The following CDYL2 variants were observed in gnomAD, a reference collection of about 807,000 sequenced individuals.
CDYL2 encodes the protein chromodomain Y-like protein 2.
CDYL2 carries 23 observed loss-of-function variants against 49.4 expected under a neutral mutation model. The observed-to-expected ratio is 0.47, with a 90% CI of 0.34 to 0.66. The LOEUF (loss-of-function observed/expected upper bound fraction) is 0.66. Ranked by LOEUF, CDYL2 falls within the 30% of genes least tolerant of loss-of-function variation. CDYL2 has a pLI of 0.01. For synonymous variants in CDYL2, 360 were observed against 268.8 expected, an observed-to-expected ratio of 1.34 and a Z score of -3.32; for missense variants, 678 against 656.4, an observed-to-expected ratio of 1.03 and a Z score of -0.36.
rs529866435 is a variant in CDYL2 at position 80,695,186 on chromosome 16, T to A, written c.25-10057A>T. Among the ~76,000 whole-genome samples, 42 of 152,384 alleles carry A rather than the reference T, an allele frequency of 2.8e-4. No individual in the cohort carries two copies. In the South Asian group the frequency reaches 8.7e-3, roughly 32 times the overall value. On this transcript the variant is annotated intron_variant, in intron 1 of 6. Coordinates refer to ENST00000570137, the MANE Select transcript of CDYL2 (RefSeq NM_152342.4). ...CCCATGTCCATGCATCTATGTAATA[T>A]CTGTGGCTGCTTTCACAATACAACA... is the stretch of plus-strand genomic sequence containing the variant.
intron 1 of CDYL2, among the ~76,000 whole-genome samples, chr16:80,752,669 C>G (rs915376413): frequency 6.6e-6 from 1 of 152,148 alleles, no homozygotes; most frequent in African/African-American, 2.4e-5. Flanking sequence ...AATGAACACA[C>G]AACAAGGGAG....
At chr16:80,687,944 C>G (rs1226651206) in intron 1 of CDYL2, among the ~76,000 whole-genome samples, 11 of 152,184 alleles carry the variant, frequency 7.2e-5, no homozygotes, top group Admixed American at 7.2e-4. Flanking sequence ...CTCCACCTTT[C>G]AGAATATGAC....
At position 80,603,597 on chromosome 16, in the gene CDYL2, T is replaced by A. The variant is rs747152963; in HGVS notation, c.*791A>T. On this transcript the variant is annotated 3_prime_UTR_variant, in exon 7 of 7. Coordinates refer to ENST00000570137, the MANE Select transcript of CDYL2 (RefSeq NM_152342.4). ...CAAACGGCATGAACCTTGTGTGGGA[T>A]TTGGTCCAGGGTAGTATGAAAATAG... 7.2e-5 allele frequency: 11 copies of A among 152,570 alleles called. No individual in the cohort carries two copies. Among genetic ancestry groups the A allele is most frequent in the Non-Finnish European group, 1.2e-4 (8 of 68,032 alleles). The allele number at this position is 152,570 out of a possible 1,614,324, so 9.5% of individuals were successfully genotyped here.
At chr16:80,712,292 T>C in intron 1 of CDYL2, among the ~76,000 whole-genome samples, 1 of 149,218 alleles carries the variant, frequency 6.7e-6, no homozygotes, top group Non-Finnish European at 1.5e-5. Flanking sequence ...GTCCAGAGAG[T>C]CCCTGAAACG....
intron 1 of CDYL2, among the ~76,000 whole-genome samples, chr16:80,803,532 G>A (rs1310362654): frequency 2.0e-5 from 3 of 151,906 alleles, no homozygotes; most frequent in African/African-American, 4.8e-5. Context: ...CAGGTGGGGG[G>A]TGAGGGAGGT....
intron 3 of CDYL2, among the ~76,000 whole-genome samples, chr16:80,627,250 T>C (rs1001057088): frequency 2.0e-5 from 3 of 151,956 alleles, no homozygotes; most frequent in African/African-American, 4.8e-5. Context: ...GAAATAGATA[T>C]ACTCTCACCT....
At chr16:80,629,017 G>A (rs901668012) in intron 3 of CDYL2, among the ~76,000 whole-genome samples, 1 of 152,176 alleles carries the variant, frequency 6.6e-6, no homozygotes, top group African/African-American at 2.4e-5. Context: ...AGGCCCCGGG[G>A]CAGGTGTAAG....
chr16:80,626,415 T>C (rs1033381393), intron 3 of CDYL2, among the ~76,000 whole-genome samples: 2 of 151,256 alleles, frequency 1.3e-5, no homozygotes, highest in Non-Finnish European at 2.9e-5. Context: ...TAGCAGGCAA[T>C]AATATTGTAG....
At chr16:80,655,157 A>G (rs968990329) in intron 2 of CDYL2, among the ~76,000 whole-genome samples, 5 of 152,196 alleles carry the variant, frequency 3.3e-5, no homozygotes, top group Admixed American at 3.3e-4. Flanking sequence ...GCTGGGTGTC[A>G]ATTATTGAAC....
chr16:80,733,528 C>T (rs1905407493), intron 1 of CDYL2, among the ~76,000 whole-genome samples: 1 of 152,140 alleles, frequency 6.6e-6, no homozygotes, highest in South Asian at 2.1e-4. Flanking sequence ...CAGTAGGAAG[C>T]TGCAGTTTTT....
chr16:80,670,663 C>A (rs570361360), intron 2 of CDYL2, among the ~76,000 whole-genome samples: 1 of 152,132 alleles, frequency 6.6e-6, no homozygotes, highest in African/African-American at 2.4e-5. Flanking sequence ...TGGACGGCAA[C>A]GTCTTAATGA....
chr16:80,644,039 G>C (rs1908223749), intron 2 of CDYL2, among the ~76,000 whole-genome samples: 1 of 152,170 alleles, frequency 6.6e-6, no homozygotes, highest in South Asian at 2.1e-4. Context: ...TTTATGCTCT[G>C]TTTCCCTTTT....
At chr16:80,623,280 T>C (rs1210381831) in intron 3 of CDYL2, among the ~76,000 whole-genome samples, 1 of 152,124 alleles carries the variant, frequency 6.6e-6, no homozygotes, top group Admixed American at 6.5e-5. Flanking sequence ...CCCCACAGTA[T>C]CTTGGGTGTT....
intron 1 of CDYL2, among the ~76,000 whole-genome samples, chr16:80,747,604 C>T (rs1048661652): frequency 1.3e-5 from 2 of 152,106 alleles, no homozygotes; most frequent in Non-Finnish European, 2.9e-5. Context: ...GCAGCTTCCC[C>T]TCTGGAGTGT....
At chr16:80,678,967 A>G (rs1909864842) in intron 2 of CDYL2, among the ~76,000 whole-genome samples, 1 of 151,086 alleles carries the variant, frequency 6.6e-6, no homozygotes, top group East Asian at 1.9e-4. Flanking sequence ...TTGTAGGGAC[A>G]TGGATGAAAC....
chr16:80,634,703 T>A (rs983335715), intron 2 of CDYL2, among the ~76,000 whole-genome samples: 3 of 152,154 alleles, frequency 2.0e-5, no homozygotes, highest in Non-Finnish European at 2.9e-5. Context: ...GCTCTGCCCA[T>A]GTATTTGATA....
chr16:80,647,244 G>A (rs1415796703), intron 2 of CDYL2, among the ~76,000 whole-genome samples: 1 of 152,088 alleles, frequency 6.6e-6, no homozygotes, highest in Non-Finnish European at 1.5e-5. Flanking sequence ...CCATGTTCAT[G>A]GATTTAAGGA....
chr16:80,711,851 G>C (rs72807925), intron 1 of CDYL2, among the ~76,000 whole-genome samples: 1 of 151,970 alleles, frequency 6.6e-6, no homozygotes, highest in Non-Finnish European at 1.5e-5. Context: ...ATAATGCCCT[G>C]GCTGACCACA....
intron 1 of CDYL2, among the ~76,000 whole-genome samples, chr16:80,792,817 C>G (rs762126568): frequency 4.9e-4 from 74 of 152,174 alleles, no homozygotes; most frequent in Non-Finnish European, 1.0e-3. Context: ...TCAAAGGGAA[C>G]TGCCCTCTGC....
Sources: allele counts gnomAD v4.1 joint callset (sites outside exome capture counted in the v4.1 genomes callset), GRCh38; gene constraint gnomAD v4.1.1; transcripts MANE v1.5; gene names NCBI Gene and HGNC (gene_info 2026-07-23, HGNC 2026-07-21).